The following CCBE1 variants were observed in gnomAD, a reference collection of about 807,000 sequenced individuals.
The protein encoded by CCBE1 is collagen and calcium binding EGF domains 1.
Under a neutral mutation model 50.0 loss-of-function variants are expected in CCBE1, and 37 were observed. That is an observed-to-expected ratio of 0.74 (90% CI 0.57 to 0.97). The LOEUF (loss-of-function observed/expected upper bound fraction) is 0.97. Ranked by LOEUF, CCBE1 falls within the 50% of genes least tolerant of loss-of-function variation. CCBE1 has a pLI of 0.00. For missense variants in CCBE1, 538 were observed against 523.8 expected (o/e 1.03, Z -0.26); for synonymous variants, 234 against 203.7 (o/e 1.15, Z -1.27).
intron 6 of CCBE1, among the ~76,000 whole-genome samples, chr18:59,449,975 G>A (rs1023218129): frequency 6.6e-6 from 1 of 152,210 alleles, no homozygotes; most frequent in Non-Finnish European, 1.5e-5. Flanking sequence ...GGCAGCAGGA[G>A]TGCAGAATGA....
intron 2 of CCBE1, among the ~76,000 whole-genome samples, chr18:59,677,488 C>T (rs759793801): frequency 2.0e-5 from 3 of 152,048 alleles, no homozygotes; most frequent in Non-Finnish European, 2.9e-5. Context: ...ATTGCTGAGG[C>T]TCAAAAGATA....
intron 2 of CCBE1, among the ~76,000 whole-genome samples, chr18:59,606,637 A>T (rs1010459920): frequency 1.3e-5 from 2 of 152,182 alleles, no homozygotes; most frequent in African/African-American, 4.8e-5. Flanking sequence ...GGTGTCAAGA[A>T]GCACAAGAAT....
At chr18:59,626,112 G>A (rs1479092338) in intron 2 of CCBE1, among the ~76,000 whole-genome samples, 1 of 152,196 alleles carries the variant, frequency 6.6e-6, no homozygotes, top group Admixed American at 6.5e-5. Flanking sequence ...GAAGTGGATA[G>A]TCCAAGATCT....
At chr18:59,624,015 G>A (rs1316344516) in intron 2 of CCBE1, among the ~76,000 whole-genome samples, 1 of 152,172 alleles carries the variant, frequency 6.6e-6, no homozygotes, top group East Asian at 1.9e-4. Context: ...AACAATGTGG[G>A]AGTGACTGAA....
chr18:59,612,587 G>C (rs1256235236), intron 2 of CCBE1, among the ~76,000 whole-genome samples: 1 of 152,136 alleles, frequency 6.6e-6, no homozygotes, highest in Non-Finnish European at 1.5e-5. Flanking sequence ...TATTTGTCAG[G>C]AACTGGGCTA....
chr18:59,494,828 G>T (rs1363562478), intron 2 of CCBE1, among the ~76,000 whole-genome samples: 2 of 152,200 alleles, frequency 1.3e-5, no homozygotes, highest in Non-Finnish European at 2.9e-5. Context: ...ACGACCTGCA[G>T]CATGGCAGAT....
At chr18:59,671,466 C>G (rs2054429270) in intron 2 of CCBE1, among the ~76,000 whole-genome samples, 1 of 150,158 alleles carries the variant, frequency 6.7e-6, no homozygotes, top group African/African-American at 2.5e-5. Context: ...CCATTGCATT[C>G]CAGCCTGGGC....
chr18:59,682,044 G>C (rs1344039886), intron 2 of CCBE1, among the ~76,000 whole-genome samples: 1 of 152,196 alleles, frequency 6.6e-6, no homozygotes, highest in Non-Finnish European at 1.5e-5. Context: ...GCAGTGGAAG[G>C]TAGGGAGAGG....
intron 3 of CCBE1, among the ~76,000 whole-genome samples, chr18:59,473,524 T>A (rs1912137296): frequency 6.6e-6 from 1 of 152,172 alleles, no homozygotes; most frequent in Non-Finnish European, 1.5e-5. Context: ...TGTGGAATTT[T>A]AAATTATTTG....
intron 7 of CCBE1, among the ~76,000 whole-genome samples, chr18:59,445,594 A>G (rs1033285313): frequency 6.6e-6 from 1 of 152,204 alleles, no homozygotes; most frequent in African/African-American, 2.4e-5. Context: ...AGTCTTTTTT[A>G]GTTCACAGAA....
chr18:59,531,619 A>C (rs1179410472), intron 2 of CCBE1, among the ~76,000 whole-genome samples: 1 of 152,084 alleles, frequency 6.6e-6, no homozygotes, highest in Non-Finnish European at 1.5e-5. Context: ...ATGGAGGTAC[A>C]TGTCTTTCGT....
At chr18:59,486,687 C>A (rs574388023) in intron 2 of CCBE1, among the ~76,000 whole-genome samples, 1 of 152,236 alleles carries the variant, frequency 6.6e-6, no homozygotes, top group East Asian at 1.9e-4. Flanking sequence ...CCAGAAGCAC[C>A]AGCTATTAAG....
At chr18:59,562,225 A>C (rs776611423) in intron 2 of CCBE1, among the ~76,000 whole-genome samples, 17 of 152,368 alleles carry the variant, frequency 1.1e-4, no homozygotes, top group Admixed American at 6.5e-4. Context: ...ACATACATGC[A>C]AACACACAAG....
intron 2 of CCBE1, among the ~76,000 whole-genome samples, chr18:59,529,882 G>T (rs969198819): frequency 1.3e-5 from 2 of 152,092 alleles, no homozygotes; most frequent in Non-Finnish European, 2.9e-5. Context: ...AAAAAACTGT[G>T]CTCTCAAACC....
chr18:59,511,409 T>C (rs912746988), intron 2 of CCBE1, among the ~76,000 whole-genome samples: 1 of 152,238 alleles, frequency 6.6e-6, no homozygotes, highest in African/African-American at 2.4e-5. Flanking sequence ...TAGAACCTCT[T>C]GCTCCATCAT....
At chr18:59,481,615 C>T (rs530955104) in intron 2 of CCBE1, among the ~76,000 whole-genome samples, 5 of 152,278 alleles carry the variant, frequency 3.3e-5, no homozygotes, top group African/African-American at 4.8e-5. Context: ...ATTTTAATAA[C>T]CACGAACCTC....
intron 2 of CCBE1, among the ~76,000 whole-genome samples, chr18:59,659,996 C>A (rs1308123103): frequency 6.6e-6 from 1 of 152,176 alleles, no homozygotes; most frequent in Non-Finnish European, 1.5e-5. Context: ...AAAGCCGGGT[C>A]ACAGACAATG....
intron 2 of CCBE1, among the ~76,000 whole-genome samples, chr18:59,594,027 C>T (rs2053314215): frequency 1.3e-5 from 2 of 152,206 alleles, no homozygotes; most frequent in Admixed American, 6.5e-5. Context: ...CTGTCAAGTT[C>T]CCCAGAAGTC....
intron 2 of CCBE1, among the ~76,000 whole-genome samples, chr18:59,515,385 G>A (rs146661744): frequency 3.5e-4 from 53 of 152,316 alleles, no homozygotes; most frequent in African/African-American, 1.2e-3. Context: ...ACACCCAGGA[G>A]GGGGGCCACT....
Sources: allele counts gnomAD v4.1 joint callset (sites outside exome capture counted in the v4.1 genomes callset), GRCh38; gene constraint gnomAD v4.1.1; transcripts MANE v1.5; gene names NCBI Gene and HGNC (gene_info 2026-07-23, HGNC 2026-07-21).